MIAT: variants seen among roughly 807,000 people sequenced by gnomAD.
The protein encoded by MIAT is myocardial infarction associated transcript, also known as MI related novel mRNA.
exon 6 of MIAT, chr22:26,668,967 T>A (rs1349544758): frequency 7.5e-6 from 3 of 398,504 alleles, no homozygotes; most frequent in Non-Finnish European, 1.3e-5. Flanking sequence ...CCCTGGGTTT[T>A]TTTTCCTGCC....
chr22:26,666,177 T>C, exon 4 of MIAT: 1 of 398,588 alleles, frequency 2.5e-6, no homozygotes, highest in Non-Finnish European at 4.4e-6. Flanking sequence ...CTCTCCTGAC[T>C]CAGGTCTGCC....
At chr22:26,652,752 G>A (rs1294936656) in intron 2 of MIAT, among the ~76,000 whole-genome samples, 3 of 152,152 alleles carry the variant, frequency 2.0e-5, no homozygotes, top group East Asian at 1.9e-4. Flanking sequence ...TCCAAGGGCT[G>A]TTCTAGGACT....
chr22:26,672,720 A>G (rs997674024), downstream of MIAT: 3 of 398,996 alleles, frequency 7.5e-6, no homozygotes, highest in Non-Finnish European at 1.3e-5. Flanking sequence ...GGAAATTAGC[A>G]GAGGGGCGTG....
At chr22:26,665,678 C>G (rs1930821033) in exon 4 of MIAT, 7 of 398,518 alleles carry the variant, frequency 1.8e-5, no homozygotes, top group Non-Finnish European at 2.2e-5. Context: ...CTGGTCTGTG[C>G]AGGAAAGTGT....
At chr22:26,672,049 C>A, downstream of MIAT, 1 of 399,234 alleles carries the variant, frequency 2.5e-6, no homozygotes, top group African/African-American at 2.1e-5. Flanking sequence ...CCCGTCTAAC[C>A]CCTGGGGTGC....
At chr22:26,661,109 T>C (rs1368992679) in intron 2 of MIAT, among the ~76,000 whole-genome samples, 1 of 152,236 alleles carries the variant, frequency 6.6e-6, no homozygotes, top group Non-Finnish European at 1.5e-5. Flanking sequence ...GTTTGTCTCC[T>C]GGGTGATTAT....
At chr22:26,656,600 G>T (rs1019585142) in intron 2 of MIAT, among the ~76,000 whole-genome samples, 7 of 152,184 alleles carry the variant, frequency 4.6e-5, no homozygotes, top group Non-Finnish European at 7.3e-5. Flanking sequence ...TTACAGGGGT[G>T]AGCCGCCGCG....
At position 26,656,681 on chromosome 22, in the gene MIAT, C is replaced by A. The variant is rs376629224; in HGVS notation, n.647-6635C>A. On this transcript the variant is annotated intron_variant and non_coding_transcript_variant, in intron 2 of 5. Coordinates refer to ENST00000643270, the Ensembl canonical transcript of MIAT. ...TGCTGCAACTCTAGAACCACTACTT[C>A]AGGACCACTTCCTAGCATCCCTACT... Among the ~76,000 whole-genome samples the A allele has an allele frequency of 2.4e-4, 36 of 152,322 alleles. 1 individual carries two copies. Among genetic ancestry groups the A allele is most frequent in the African/African-American group, 8.4e-4 (35 of 41,574 alleles).
At chr22:26,673,289 G>C (rs1208422985), downstream of MIAT, 3 of 398,648 alleles carry the variant, frequency 7.5e-6, no homozygotes, top group East Asian at 7.1e-5. Flanking sequence ...GGCCACACCT[G>C]GGGGTGATTT....
Position 26,649,817 on chromosome 22 carries a change from G to A in MIAT, n.646+2506G>A, listed in dbSNP as rs560849790. Among the ~76,000 whole-genome samples the A allele has an allele frequency of 1.6e-3, 247 of 152,334 alleles. 2 individuals are homozygous for A. Among genetic ancestry groups the A allele is most frequent in the Non-Finnish European group, 3.0e-3 (202 of 68,028 alleles). On this transcript the variant is annotated intron_variant and non_coding_transcript_variant, in intron 2 of 5. Coordinates refer to ENST00000643270, the Ensembl canonical transcript of MIAT. ...AGTCCCAGCTACTCGGGAGGCTGAG[G>A]CAGCAGAATTGCTTGAACCTGGGAG...
At chr22:26,664,880 T>C (rs1011889329) in intron 3 of MIAT, among the ~76,000 whole-genome samples, 5 of 152,232 alleles carry the variant, frequency 3.3e-5, no homozygotes, top group Admixed American at 6.5e-5. Context: ...GTTTAAATCA[T>C]TGAGTGGTGA....
chr22:26,665,532 G>A (rs1432107767), exon 4 of MIAT: 1 of 398,590 alleles, frequency 2.5e-6, no homozygotes, highest in Non-Finnish European at 4.4e-6. Flanking sequence ...TATTTACAGA[G>A]AGCAGCAAGT....
intron 2 of MIAT, among the ~76,000 whole-genome samples, chr22:26,662,995 G>A (rs1002676018): frequency 2.6e-5 from 4 of 152,200 alleles, no homozygotes; most frequent in African/African-American, 9.6e-5. Context: ...AACCCTGTGA[G>A]GTGGGCACTG....
At chr22:26,672,529 G>C (rs117474359), downstream of MIAT, 579 of 399,382 alleles carry the variant, frequency 1.4e-3, 4 homozygotes, top group Middle Eastern at 0.011. Flanking sequence ...TGGGACGTGA[G>C]TGTGGAGGCC....
intron 2 of MIAT, among the ~76,000 whole-genome samples, chr22:26,659,485 A>C (rs1930578818): frequency 6.6e-6 from 1 of 152,066 alleles, no homozygotes; most frequent in Non-Finnish European, 1.5e-5. Context: ...GTCCCCCAAA[A>C]CAACCATAAC....
chr22:26,650,602 A>G (rs1930319584), intron 2 of MIAT: 1 of 152,210 alleles, frequency 6.6e-6, no homozygotes, highest in Non-Finnish European at 1.5e-5. Flanking sequence ...GCTGACTTTC[A>G]CACATTTAGG....
chr22:26,653,993 G>A lies in MIAT; in HGVS notation n.646+6682G>A, dbSNP rs139141443. Among the ~76,000 whole-genome samples, 86 of 152,172 alleles carry A rather than the reference G, an allele frequency of 5.7e-4. 3 individuals are homozygous for A. The East Asian group carries it at 0.015, about 27-fold the overall frequency. On this transcript the variant is annotated intron_variant and non_coding_transcript_variant, in intron 2 of 5. Coordinates refer to ENST00000643270, the Ensembl canonical transcript of MIAT. ...TGACCTCAGGTGATCCGCCCACCTC[G>A]CCTCCCAAAGTGCTGGGATTACAGG...
intron 2 of MIAT, among the ~76,000 whole-genome samples, chr22:26,656,604 C>T (rs965408704): frequency 2.0e-5 from 3 of 152,184 alleles, no homozygotes; most frequent in Admixed American, 6.5e-5. Context: ...AGGGGTGAGC[C>T]GCCGCGCCTG....
exon 5 of MIAT, chr22:26,676,000 T>C: frequency 2.5e-6 from 1 of 398,706 alleles, no homozygotes; most frequent in Non-Finnish European, 4.4e-6. Flanking sequence ...AGGCACATTC[T>C]CTTCGACCCC....
Sources: allele counts gnomAD v4.1 joint callset (sites outside exome capture counted in the v4.1 genomes callset), GRCh38; gene constraint gnomAD v4.1.1; transcripts MANE v1.5; gene names NCBI Gene and HGNC (gene_info 2026-07-23, HGNC 2026-07-21).